Variants in CDH12 observed in about 807,000 individuals in gnomAD.
CDH12 encodes cadherin 12.
A neutral mutation model predicts 74.1 loss-of-function variants in CDH12; 41 were observed. The observed-to-expected ratio is 0.55, with a 90% CI of 0.43 to 0.72. The LOEUF is 0.72. Among genes scored for constraint, CDH12 ranks in the 30% least tolerant of loss-of-function variants. The probability of loss-of-function intolerance (pLI) is 0.00; values close to 1 mark genes in which losing one functional copy is unlikely to be tolerated. For missense variants in CDH12, 945 were observed against 977.2 expected, an observed-to-expected ratio of 0.97 and a Z score of 0.44; for synonymous variants, 399 against 355.0, an observed-to-expected ratio of 1.12 and a Z score of -1.39.
chr5:22,301,272 T>A (rs1265473979), intron 3 of CDH12, among the ~76,000 whole-genome samples: 2 of 152,276 alleles, frequency 1.3e-5, no homozygotes, highest in East Asian at 1.9e-4. Flanking sequence ...CCAAAAAAAA[T>A]ATTTTATTCA....
At position 22,670,039 on chromosome 5, in the gene CDH12, G is replaced by A. The variant is rs576423473; in HGVS notation, c.-522-164675C>T. On this transcript the variant is annotated intron_variant, in intron 1 of 14. Coordinates refer to ENST00000382254, the MANE Select transcript of CDH12 (RefSeq NM_004061.5). Reference sequence around the variant, plus strand: ...ACCACCAGCCAAAATGTATGTAACAGGAGTTAAGCAAAAGGAAAAAAGGTT... The same window carrying A: ...ACCACCAGCCAAAATGTATGTAACAAGAGTTAAGCAAAAGGAAAAAAGGTT... Among the ~76,000 whole-genome samples, 9 of 152,236 alleles carry A rather than the reference G, an allele frequency of 5.9e-5. No homozygotes were observed. In the South Asian group the frequency reaches 1.9e-3, roughly 32 times the overall value.
intron 3 of CDH12, among the ~76,000 whole-genome samples, chr5:22,346,122 A>AG (rs1561331695): frequency 6.6e-6 from 1 of 151,406 alleles, no homozygotes; most frequent in African/African-American, 2.4e-5. Flanking sequence ...AAAAAAAAAA[A>AG]AGGAGAATAT....
At chr5:21,779,564 C>T (rs553450446) in intron 11 of CDH12, 2 of 152,226 alleles carry the variant, frequency 1.3e-5, no homozygotes, top group Admixed American at 6.5e-5. Context: ...ATTATTTGGA[C>T]CTCCAACTAT....
chr5:21,761,493 G>A (rs1274735201), intron 12 of CDH12, among the ~76,000 whole-genome samples: 4 of 152,148 alleles, frequency 2.6e-5, no homozygotes, highest in Admixed American at 1.3e-4. Flanking sequence ...CAAGGGCAGA[G>A]TGTTGGCCAG....
intron 4 of CDH12, among the ~76,000 whole-genome samples, chr5:22,088,350 C>T (rs906289865): frequency 6.6e-6 from 1 of 152,068 alleles, no homozygotes; most frequent in African/African-American, 2.4e-5. Flanking sequence ...TTTCCCCAGC[C>T]CCTCTCAGAG....
At chr5:22,443,181 T>C (rs1422934692) in intron 2 of CDH12, among the ~76,000 whole-genome samples, 1 of 152,164 alleles carries the variant, frequency 6.6e-6, no homozygotes, top group African/African-American at 2.4e-5. Context: ...ATAAAGATCA[T>C]CATCATAGCA....
chr5:22,004,032 G>C (rs1157327503), intron 5 of CDH12, among the ~76,000 whole-genome samples: 1 of 152,058 alleles, frequency 6.6e-6, no homozygotes, highest in African/African-American at 2.4e-5. Flanking sequence ...ACTAAGAACA[G>C]GAGGGTCTGA....
chr5:22,744,555 T>C (rs1016742588), intron 1 of CDH12, among the ~76,000 whole-genome samples: 15 of 152,326 alleles, frequency 9.8e-5, no homozygotes, highest in South Asian at 4.1e-4. Context: ...AAGTCATTTT[T>C]CCTTATTTAC....
chr5:22,470,886 C>T (rs1045435903), intron 2 of CDH12, among the ~76,000 whole-genome samples: 3 of 149,030 alleles, frequency 2.0e-5, no homozygotes, highest in African/African-American at 7.4e-5. Flanking sequence ...TTCTTCAACA[C>T]TCCTGCTACT....
In CDH12 at chr5:22,119,293, T is replaced by G. The variant is rs1026065164; in HGVS notation, c.-186-40431A>C. 3.4e-4 allele frequency among the ~76,000 whole-genome samples: 51 copies of G among 149,788 alleles called. 1 individual carries two copies. Among genetic ancestry groups the G allele is most frequent in the Middle Eastern group, 3.4e-3 (1 of 292 alleles). ...ACTCAATCTTCTACTTCGTTTTTTT[T>G]TTTTTTTTTTTTTCTGAGATGGAGT... On this transcript the variant is annotated intron_variant, in intron 4 of 14. Coordinates refer to ENST00000382254, the MANE Select transcript of CDH12 (RefSeq NM_004061.5).
intron 1 of CDH12, among the ~76,000 whole-genome samples, chr5:22,729,362 C>G (rs1366137505): frequency 1.3e-5 from 2 of 151,840 alleles, no homozygotes; most frequent in Non-Finnish European, 2.9e-5. Context: ...CTTCAAATCT[C>G]TGAATTCCTC....
intron 6 of CDH12, among the ~76,000 whole-genome samples, chr5:21,916,177 C>G (rs1754084775): frequency 6.6e-6 from 1 of 152,028 alleles, no homozygotes; most frequent in South Asian, 2.1e-4. Context: ...ATAATAATTA[C>G]AGCTATGTAA....
chr5:22,780,589 G>C (rs560480325), intron 1 of CDH12, among the ~76,000 whole-genome samples: 3 of 151,996 alleles, frequency 2.0e-5, no homozygotes, highest in Admixed American at 2.0e-4. Context: ...ATTCACTATC[G>C]CAAGAACAGC....
chr5:22,289,569 C>T (rs1737292526), intron 3 of CDH12, among the ~76,000 whole-genome samples: 1 of 152,118 alleles, frequency 6.6e-6, no homozygotes, highest in African/African-American at 2.4e-5. Flanking sequence ...ATTTGAACAA[C>T]TATCTACAAA....
chr5:22,348,557 A>T (rs1048013730), intron 3 of CDH12, among the ~76,000 whole-genome samples: 10 of 152,226 alleles, frequency 6.6e-5, no homozygotes, highest in African/African-American at 2.4e-4. Flanking sequence ...GTACATATAC[A>T]TGGACACACA....
chr5:22,696,901 G>A (rs1213494312), intron 1 of CDH12, among the ~76,000 whole-genome samples: 1 of 151,812 alleles, frequency 6.6e-6, no homozygotes, highest in Non-Finnish European at 1.5e-5. Context: ...GGAAAGCCTA[G>A]AGGCCAGAAC....
intron 2 of CDH12, among the ~76,000 whole-genome samples, chr5:22,427,364 C>T (rs757447161): frequency 4.6e-5 from 7 of 152,026 alleles, no homozygotes; most frequent in Admixed American, 2.6e-4. Context: ...GACGGGGTTT[C>T]ACCACGTTGG....
chr5:22,085,732 CA>C (rs1561094341), intron 4 of CDH12, among the ~76,000 whole-genome samples: 1 of 151,860 alleles, frequency 6.6e-6, no homozygotes, highest in African/African-American at 2.4e-5. Flanking sequence ...TTACGTAATC[CA>C]AAAAATATTA....
At chr5:22,177,218 T>A (rs1561192282) in intron 4 of CDH12, among the ~76,000 whole-genome samples, 1 of 152,152 alleles carries the variant, frequency 6.6e-6, no homozygotes, top group Non-Finnish European at 1.5e-5. Context: ...TTGACACAAA[T>A]CCCATGATTA....
Sources: gnomAD v4.1 joint callset for allele counts (sites outside exome capture counted in the v4.1 genomes callset) on GRCh38, gnomAD v4.1.1 for gene constraint, MANE v1.5 for transcripts, NCBI Gene and HGNC (gene_info 2026-07-23, HGNC 2026-07-21) for gene names.